Variants in FOXO3 observed in about 807,000 individuals in gnomAD.
FOXO3 encodes the protein forkhead box protein O3.
A neutral mutation model predicts 41.9 loss-of-function variants in FOXO3; 4 were observed. The ratio of observed to expected loss-of-function variants is 0.10; its 90% CI spans 0.05 to 0.22. The LOEUF is 0.22. Ranked by LOEUF, FOXO3 falls within the 10% of genes least tolerant of loss-of-function variation. The pLI, the probability that FOXO3 is intolerant of heterozygous loss-of-function variation, is 1.00. For missense variants in FOXO3, 534 were observed against 906.8 expected, an observed-to-expected ratio of 0.59 and a Z score of 5.28; for synonymous variants, 318 against 389.3, an observed-to-expected ratio of 0.82 and a Z score of 2.16.
chr6:108,672,636 C>G (rs760340521), intron 2 of FOXO3, among the ~76,000 whole-genome samples: 13 of 152,118 alleles, frequency 8.5e-5, no homozygotes, highest in Admixed American at 3.9e-4. Context: ...GAGGGTAATT[C>G]CAGTGTTTCT....
At chr6:108,587,417 T>C (rs1364400952) in intron 1 of FOXO3, among the ~76,000 whole-genome samples, 1 of 152,166 alleles carries the variant, frequency 6.6e-6, no homozygotes, top group Admixed American at 6.5e-5. Flanking sequence ...GAGCATCAGC[T>C]AGGGGGATTG....
chr6:108,673,730 C>T (rs1770457883), intron 2 of FOXO3, among the ~76,000 whole-genome samples: 1 of 152,134 alleles, frequency 6.6e-6, no homozygotes, highest in Non-Finnish European at 1.5e-5. Flanking sequence ...TCCCAGCCTG[C>T]ACACTCCTAT....
intron 1 of FOXO3, among the ~76,000 whole-genome samples, chr6:108,649,388 C>G (rs187597843): frequency 6.6e-6 from 1 of 152,114 alleles, no homozygotes; most frequent in African/African-American, 2.4e-5. Context: ...AACAAAGACC[C>G]GTCAGTACTT....
rs149868219 is a variant in FOXO3 at position 108,621,486 on chromosome 6, G to A, written c.622-41969G>A. 9.9e-3 allele frequency among the ~76,000 whole-genome samples: 1,507 copies of A among 152,320 alleles called. 10 individuals are homozygous for A. The highest frequency in any genetic ancestry group is 0.016 in the Non-Finnish European group (1,085 of 68,022). On this transcript the variant is annotated intron_variant, in intron 1 of 2. Coordinates refer to ENST00000406360, the MANE Select transcript of FOXO3 (RefSeq NM_001455.4). The stretch of plus-strand genomic sequence containing the variant: ...ATCAAGTATGTGTGTAGTGCATGAT[G>A]TACCTCAGCTACTGTAGTGAAAAAT...
At chr6:108,629,145 A>C (rs1777891107) in intron 1 of FOXO3, among the ~76,000 whole-genome samples, 1 of 152,196 alleles carries the variant, frequency 6.6e-6, no homozygotes, top group African/African-American at 2.4e-5. Context: ...AAGTAAATTT[A>C]AAATGATCTG....
intron 1 of FOXO3, among the ~76,000 whole-genome samples, chr6:108,600,358 C>T (rs1441326422): frequency 6.6e-6 from 1 of 151,794 alleles, no homozygotes; most frequent in Non-Finnish European, 1.5e-5. Context: ...CCAGCCTGGC[C>T]AACATGGTGA....
At chr6:108,575,852 TAAGTAAAAACTG>T (rs1378506076) in intron 1 of FOXO3, among the ~76,000 whole-genome samples, 55 of 152,354 alleles carry the variant, frequency 3.6e-4, no homozygotes, top group East Asian at 3.9e-4. Context: ...AAGATAATTT[TAAGTAAAAACTG>T]AAGCTCTGAA....
intron 1 of FOXO3, among the ~76,000 whole-genome samples, chr6:108,598,659 A>G (rs1279138854): frequency 3.3e-5 from 5 of 152,216 alleles, no homozygotes; most frequent in Non-Finnish European, 7.3e-5. Flanking sequence ...TACACATTTT[A>G]TGATGATTGA....
intron 1 of FOXO3, among the ~76,000 whole-genome samples, chr6:108,624,637 G>A (rs1412439302): frequency 6.6e-6 from 1 of 152,040 alleles, no homozygotes; most frequent in African/African-American, 2.4e-5. Flanking sequence ...AGTTCGTATT[G>A]TACTTTGGTG....
At chr6:108,617,856 A>C (rs754262389) in intron 1 of FOXO3, 4 of 315,574 alleles carry the variant, frequency 1.3e-5, no homozygotes, top group Non-Finnish European at 1.8e-5. Context: ...CAGTAAAAGA[A>C]TGGAGAAGGA....
At chr6:108,599,374 T>C (rs1434085709) in intron 1 of FOXO3, among the ~76,000 whole-genome samples, 1 of 152,234 alleles carries the variant, frequency 6.6e-6, no homozygotes, top group Non-Finnish European at 1.5e-5. Flanking sequence ...TGTGTGTAGT[T>C]TGTGGATTTA....
In FOXO3 at chr6:108,664,175, A is replaced by T. The variant is rs746772400; in HGVS notation, c.1342A>T (p.Met448Leu). The change falls in exon 2 of 3, where the codon ATG (methionine) becomes TTG (leucine). Residue 448 changes from methionine (M) to leucine (L), a missense_variant. Met to Leu is a conservative substitution (Grantham distance 15, BLOSUM62 2). Transcript: ENST00000406360. ...SSLNSLRQSPMQTIQENKPAT... is the reference protein window; with the variant it reads ...SSLNSLRQSPLQTIQENKPAT... ...TCTGAACTCCCTACGCCAGTCTCCCATGCAGACCATCCAAGAGAACAAGCC... is the reference window on the plus strand; with the variant it reads ...TCTGAACTCCCTACGCCAGTCTCCCTTGCAGACCATCCAAGAGAACAAGCC... 1 of 1,613,608 alleles carries T rather than the reference A, an allele frequency of 6.2e-7. No individual in the cohort carries two copies. The highest frequency in any genetic ancestry group is 8.5e-7 in the Non-Finnish European group (1 of 1,179,872).
intron 1 of FOXO3, among the ~76,000 whole-genome samples, chr6:108,641,729 A>G (rs928015473): frequency 6.6e-6 from 1 of 152,102 alleles, no homozygotes; most frequent in Non-Finnish European, 1.5e-5. Context: ...CCCTTAAAAT[A>G]TAAGTATATG....
chr6:108,628,559 G>C (rs1777875682), intron 1 of FOXO3, among the ~76,000 whole-genome samples: 2 of 152,142 alleles, frequency 1.3e-5, no homozygotes, highest in African/African-American at 4.8e-5. Context: ...TCGGGTATTT[G>C]GGGGAGGAAG....
chr6:108,635,729 A>T (rs967397482), intron 1 of FOXO3, among the ~76,000 whole-genome samples: 1 of 152,150 alleles, frequency 6.6e-6, no homozygotes, highest in Admixed American at 6.6e-5. Flanking sequence ...TAATGGGGGA[A>T]GCCCTCGTGG....
At chr6:108,614,233 A>G (rs1777434521) in intron 1 of FOXO3, among the ~76,000 whole-genome samples, 1 of 152,046 alleles carries the variant, frequency 6.6e-6, no homozygotes, top group African/African-American at 2.4e-5. Context: ...AGTCAAGTTC[A>G]TTTTCTCACT....
intron 1 of FOXO3, among the ~76,000 whole-genome samples, chr6:108,639,987 C>G (rs1778215185): frequency 6.6e-6 from 1 of 152,166 alleles, no homozygotes; most frequent in Non-Finnish European, 1.5e-5. Context: ...ACCTGTGAGA[C>G]AGAGACTAGT....
intron 1 of FOXO3, among the ~76,000 whole-genome samples, chr6:108,591,517 G>C (rs1487141210): frequency 6.6e-6 from 1 of 152,202 alleles, no homozygotes; most frequent in Non-Finnish European, 1.5e-5. Context: ...AAAAGCAGAA[G>C]GGTTGGAACC....
At chr6:108,562,678 C>T (rs933623805) in intron 1 of FOXO3, among the ~76,000 whole-genome samples, 1 of 152,092 alleles carries the variant, frequency 6.6e-6, no homozygotes, top group Non-Finnish European at 1.5e-5. Context: ...TGGGCCGGGC[C>T]GTAATGGCTT....
Sources: allele counts gnomAD v4.1 joint callset (sites outside exome capture counted in the v4.1 genomes callset), GRCh38; gene constraint gnomAD v4.1.1; transcripts MANE v1.5; gene names NCBI Gene and HGNC (gene_info 2026-07-23, HGNC 2026-07-21).